The following NDST3 variants were observed in gnomAD, a reference collection of about 807,000 sequenced individuals.
NDST3 encodes N-deacetylase and N-sulfotransferase 3, also known as bifunctional heparan sulfate N-deacetylase/N-sulfotransferase 3.
A neutral mutation model predicts 96.1 loss-of-function variants in NDST3; 58 were observed. The ratio of observed to expected loss-of-function variants is 0.60; its 90% CI spans 0.49 to 0.75. NDST3 has a LOEUF of 0.75. NDST3 is among the 30% of genes least tolerant of loss of function. The pLI is 0.00. For missense variants in NDST3, 788 were observed against 1,034.2 expected, an observed-to-expected ratio of 0.76 and a Z score of 3.27; for synonymous variants, 333 against 359.7, an observed-to-expected ratio of 0.93 and a Z score of 0.84.
In NDST3 at chr4:118,182,173, C is replaced by T. The variant is rs1230259808; in HGVS notation, c.1539+38489C>T. The stretch of plus-strand genomic sequence containing the variant: ...GGGCCAGACCACTTTTCAGTTGGTT[C>T]ATCATGGAAGCAGGCCCAATAAAAT... On this transcript the variant is annotated intron_variant, in intron 6 of 13. Coordinates refer to ENST00000296499, the MANE Select transcript of NDST3 (RefSeq NM_004784.3). 2.6e-5 allele frequency among the ~76,000 whole-genome samples: 4 copies of T among 152,238 alleles called. No individual in the cohort carries two copies. The East Asian group carries it at 7.7e-4, about 29-fold the overall frequency.
chr4:118,061,075 C>T (rs957668622), intron 2 of NDST3, among the ~76,000 whole-genome samples: 3 of 152,108 alleles, frequency 2.0e-5, no homozygotes, highest in Non-Finnish European at 4.4e-5. Flanking sequence ...ATCATGACCC[C>T]CCTCTGCTCA....
At chr4:118,131,898 C>T (rs921142283) in intron 4 of NDST3, among the ~76,000 whole-genome samples, 5 of 152,032 alleles carry the variant, frequency 3.3e-5, no homozygotes, top group African/African-American at 1.2e-4. Flanking sequence ...CTTAGTTTCT[C>T]CCAAACAAAC....
chr4:118,212,501 T>G (rs1050758990), intron 6 of NDST3, among the ~76,000 whole-genome samples: 2 of 152,156 alleles, frequency 1.3e-5, no homozygotes, highest in Non-Finnish European at 2.9e-5. Flanking sequence ...GATGGAGACG[T>G]TGCACTCCAG....
chr4:118,241,867 T>G (rs1741027938), intron 11 of NDST3, among the ~76,000 whole-genome samples, 173 bp from the exon 12 acceptor site: 1 of 152,208 alleles, frequency 6.6e-6, no homozygotes, highest in Non-Finnish European at 1.5e-5. Flanking sequence ...TTGGTGTGAT[T>G]TATTTCTTAT....
At chr4:118,129,692 T>C (rs376734539) in intron 4 of NDST3, among the ~76,000 whole-genome samples, 8 of 152,106 alleles carry the variant, frequency 5.3e-5, no homozygotes, top group African/African-American at 2.4e-5. Flanking sequence ...CATAAATATA[T>C]ATTAGATTCA....
chr4:118,073,031 T>C (rs762893396), intron 2 of NDST3, among the ~76,000 whole-genome samples: 15 of 152,210 alleles, frequency 9.9e-5, no homozygotes, highest in Non-Finnish European at 2.1e-4. Context: ...AACACATTTA[T>C]TGATTTACAT....
intron 3 of NDST3, among the ~76,000 whole-genome samples, chr4:118,107,110 AATC>A (rs935652158): frequency 2.0e-5 from 3 of 151,428 alleles, no homozygotes; most frequent in African/African-American, 7.3e-5. Flanking sequence ...TAATAATAAT[AATC>A]ATCATCATCA....
intron 10 of NDST3, among the ~76,000 whole-genome samples, chr4:118,239,897 G>C (rs1468761596): frequency 6.9e-6 from 1 of 144,090 alleles, no homozygotes; most frequent in Non-Finnish European, 1.5e-5. Context: ...AATCCTGTTG[G>C]ATTGCTGCTT....
intron 5 of NDST3, among the ~76,000 whole-genome samples, chr4:118,138,562 A>G (rs529728192): frequency 6.6e-6 from 1 of 152,332 alleles, no homozygotes; most frequent in African/African-American, 2.4e-5. Context: ...TTCAGTATGA[A>G]AAACTAACAC....
chr4:118,074,595 A>C (rs1207008350), intron 2 of NDST3, among the ~76,000 whole-genome samples: 1 of 152,158 alleles, frequency 6.6e-6, no homozygotes, highest in East Asian at 1.9e-4. Flanking sequence ...TTTGCTTCAC[A>C]GATCTTTCTC....
At chr4:118,236,932 G>T in intron 9 of NDST3, 114 bp from the exon 10 acceptor site, 1 of 747,734 alleles carries the variant, frequency 1.3e-6, no homozygotes, top group East Asian at 3.1e-5. Flanking sequence ...ATGCTGTAAA[G>T]AAAAAGCCTT....
chr4:118,065,853 C>T (rs376142187), intron 2 of NDST3, among the ~76,000 whole-genome samples: 89 of 150,758 alleles, frequency 5.9e-4, no homozygotes, highest in African/African-American at 2.0e-3. Flanking sequence ...CAGTAATGTA[C>T]CTTTTTCCCC....
chr4:118,058,266 A>C, intron 2 of NDST3, among the ~76,000 whole-genome samples: 1 of 152,070 alleles, frequency 6.6e-6, no homozygotes, highest in Non-Finnish European at 1.5e-5. Context: ...TATGTGGAAT[A>C]GAAAATGTGC....
In NDST3 at chr4:118,139,525, G is replaced by A. The variant is rs143637281; in HGVS notation, c.1410+1286G>A. Among the ~76,000 whole-genome samples the A allele has an allele frequency of 1.7e-3, 255 of 152,178 alleles. 1 individual carries two copies. Among genetic ancestry groups the A allele is most frequent in the African/African-American group, 6.0e-3 (250 of 41,512 alleles). On this transcript the variant is annotated intron_variant, in intron 5 of 13. Coordinates refer to ENST00000296499, the MANE Select transcript of NDST3 (RefSeq NM_004784.3). ...TAAGCGAGAGAAAATAAGACTAGGA[G>A]CCATCCAAATAGAGAAGCAAGTAGA...
chr4:118,176,623 T>C (rs976861439), intron 6 of NDST3, among the ~76,000 whole-genome samples: 2 of 152,026 alleles, frequency 1.3e-5, no homozygotes, highest in Non-Finnish European at 2.9e-5. Flanking sequence ...TATAGAGAAA[T>C]AATAATACAG....
intron 8 of NDST3, among the ~76,000 whole-genome samples, chr4:118,227,814 G>A (rs1013312401): frequency 6.6e-6 from 1 of 151,902 alleles, no homozygotes; most frequent in East Asian, 1.9e-4. Flanking sequence ...GGGTTTCACC[G>A]TGTTAGCCAG....
intron 2 of NDST3, among the ~76,000 whole-genome samples, chr4:118,070,580 AGCCTGTG>A (rs1289354146): frequency 6.6e-6 from 1 of 151,508 alleles, no homozygotes; most frequent in African/African-American, 2.4e-5. Flanking sequence ...CAAATTTCCC[AGCCTGTG>A]GTTCTTATCA....
chr4:118,066,115 ATATATTATATATATTATATAATATATTT>A (rs1487783403), intron 2 of NDST3, among the ~76,000 whole-genome samples: 3 of 77,898 alleles, frequency 3.9e-5, no homozygotes, highest in East Asian at 3.4e-4. Flanking sequence ...AATATATTTT[ATATATTATATATATTATATAATATATTT>A]TATATATTAT....
intron 5 of NDST3, among the ~76,000 whole-genome samples, chr4:118,141,546 T>C (rs966796186): frequency 1.3e-5 from 2 of 152,182 alleles, no homozygotes; most frequent in African/African-American, 4.8e-5. Flanking sequence ...ATTTGAGAAA[T>C]AGACAAAATT....
Sources: gnomAD v4.1 joint callset for allele counts (sites outside exome capture counted in the v4.1 genomes callset) on GRCh38, gnomAD v4.1.1 for gene constraint, MANE v1.5 for transcripts, NCBI Gene and HGNC (gene_info 2026-07-23, HGNC 2026-07-21) for gene names.